The following TMEM71 variants were observed in gnomAD, a reference collection of about 807,000 sequenced individuals.
TMEM71 encodes the protein transmembrane protein 71.
TMEM71 carries 44 observed loss-of-function variants against 38.0 expected under a neutral mutation model. The observed-to-expected ratio is 1.16, with a 90% CI of 0.91 to 1.49. The LOEUF (loss-of-function observed/expected upper bound fraction) is 1.49. TMEM71 is among the 40% of genes most tolerant of loss of function. The probability of loss-of-function intolerance (pLI) is 0.00; values close to 1 mark genes in which losing one functional copy is unlikely to be tolerated. For synonymous variants in TMEM71, 133 were observed against 122.5 expected, an observed-to-expected ratio of 1.09 and a Z score of -0.56; for missense variants, 367 against 348.6, an observed-to-expected ratio of 1.05 and a Z score of -0.42.
In TMEM71 at chr8:132,757,256, A is replaced by G. The variant is rs762378372; in HGVS notation, c.79T>C (p.Ser27Pro). Residue 27 changes from serine to proline, a missense_variant, in exon 3 of 10, where the codon TCT (serine) becomes CCT (proline). Physicochemically the swap from Ser to Pro is moderately conservative, Grantham distance 74 (BLOSUM62 -1). Transcript: ENST00000677595. Reference protein sequence around the residue: ...RLEREYAGELSPTCIFPSFTC... With the variant: ...RLEREYAGELPPTCIFPSFTC... ...TACCTTGGGAAAATGCACGTGGGAG[A>G]CAGCTCTCCAGCATATTCTCTTTCC... The G allele has an allele frequency of 1.2e-6, 2 of 1,611,348 alleles. No homozygotes were observed. Among genetic ancestry groups the G allele is most frequent in the South Asian group, 1.1e-5 (1 of 91,046 alleles).
chr8:132,738,927 G>A (rs887368133), intron 5 of TMEM71, among the ~76,000 whole-genome samples: 7 of 151,912 alleles, frequency 4.6e-5, no homozygotes, highest in African/African-American at 1.2e-4. Flanking sequence ...TTGTGCCAAC[G>A]TCCATTTCCT....
chr8:132,742,243 A>T (rs910535012), intron 5 of TMEM71, among the ~76,000 whole-genome samples: 6 of 152,228 alleles, frequency 3.9e-5, no homozygotes, highest in Non-Finnish European at 7.3e-5. Context: ...TTTTTGTTTT[A>T]TATTTTATTA....
intron 5 of TMEM71, among the ~76,000 whole-genome samples, chr8:132,746,665 A>T (rs1039693792): frequency 5.3e-5 from 8 of 151,894 alleles, no homozygotes; most frequent in Non-Finnish European, 1.0e-4. Flanking sequence ...AATATCCCTT[A>T]CAGAAAAAAT....
intron 5 of TMEM71, among the ~76,000 whole-genome samples, chr8:132,732,023 C>A (rs951110979): frequency 2.0e-5 from 3 of 152,160 alleles, no homozygotes; most frequent in East Asian, 1.9e-4. Flanking sequence ...ACGGGCCAGG[C>A]AGATCTATTT....
upstream of TMEM71, among the ~76,000 whole-genome samples, chr8:132,761,808 A>G (rs1231219981): frequency 2.0e-5 from 3 of 152,208 alleles, no homozygotes; most frequent in African/African-American, 7.2e-5. Flanking sequence ...GCAAGCTGCC[A>G]TGGTGGAGAA....
chr8:132,710,783 T>C lies in TMEM71; in HGVS notation c.*184A>G, dbSNP rs1826193018. 3 of 634,212 alleles carry C rather than the reference T, an allele frequency of 4.7e-6. No individual in the cohort carries two copies. The highest frequency in any genetic ancestry group is 1.9e-5 in the South Asian group (1 of 52,762). The allele number at this position is 634,212 out of a possible 1,614,324, so 39.3% of individuals were successfully genotyped here. A position where few individuals can be genotyped will look rare whatever the true frequency, so the allele number is the denominator to read the frequency against. ...CAAATTAATATTATTTTCATGAGCA[T>C]ATTATAATTTTGATGGAAAAACTGA... On this transcript the variant is annotated 3_prime_UTR_variant, in exon 10 of 10. Coordinates refer to ENST00000677595, the MANE Select transcript of TMEM71 (RefSeq NM_001382403.1).
At chr8:132,752,738 C>G (rs976778870) in intron 3 of TMEM71, among the ~76,000 whole-genome samples, 3 of 147,692 alleles carry the variant, frequency 2.0e-5, no homozygotes, top group Admixed American at 1.4e-4. Flanking sequence ...AGCAAAGACC[C>G]TGTATCTAAA....
intron 6 of TMEM71, among the ~76,000 whole-genome samples, chr8:132,725,346 G>A (rs1827083959): frequency 6.6e-6 from 1 of 152,084 alleles, no homozygotes; most frequent in Non-Finnish European, 1.5e-5. Flanking sequence ...TGTATTTTTT[G>A]TAGAGACAAG....
At chr8:132,740,147 T>G (rs532093366) in intron 5 of TMEM71, among the ~76,000 whole-genome samples, 1 of 152,318 alleles carries the variant, frequency 6.6e-6, no homozygotes, top group Non-Finnish European at 1.5e-5. Context: ...CCCCTTGTTC[T>G]TTCCCACTTG....
upstream of TMEM71, among the ~76,000 whole-genome samples, chr8:132,764,204 G>C (rs1829336115): frequency 6.6e-6 from 1 of 152,080 alleles, no homozygotes; most frequent in Non-Finnish European, 1.5e-5. Flanking sequence ...TAGGGCTCCA[G>C]CTACATCAAA....
intron 7 of TMEM71, 59 bp from the exon 8 acceptor site, chr8:132,714,274 A>AT (rs878998666): frequency 3.2e-6 from 4 of 1,262,024 alleles, no homozygotes; most frequent in Non-Finnish European, 3.5e-6. Context: ...AACCTGTGTG[A>AT]TTTTTTTAGA....
At position 132,741,135 on chromosome 8, in the gene TMEM71, C is replaced by T. The variant is rs568731373; in HGVS notation, c.487+5807G>A. Reference sequence around the variant, plus strand: ...ATCCCAGCACTTTGGGAGGCTGAGGCGGGTGGATCACGAGGTCAGGAGATC... The same window carrying T: ...ATCCCAGCACTTTGGGAGGCTGAGGTGGGTGGATCACGAGGTCAGGAGATC... On this transcript the variant is annotated intron_variant, in intron 5 of 9. Transcript: ENST00000677595. 2.3e-4 allele frequency among the ~76,000 whole-genome samples: 35 copies of T among 152,168 alleles called. 1 individual carries two copies. The highest frequency in any genetic ancestry group is 2.1e-4 in the Non-Finnish European group (14 of 67,998).
At chr8:132,729,496 G>A (rs1270129785) in intron 5 of TMEM71, among the ~76,000 whole-genome samples, 1 of 152,188 alleles carries the variant, frequency 6.6e-6, no homozygotes, top group African/African-American at 2.4e-5. Context: ...CACTCAGAAA[G>A]AGTAGCCAGA....
intron 5 of TMEM71, 37 bp downstream of exon 5, chr8:132,746,905 A>G (rs377235680): frequency 1.0e-4 from 151 of 1,517,514 alleles, no homozygotes; most frequent in Non-Finnish European, 1.3e-4. Flanking sequence ...CCACTTGGAG[A>G]TAAAATTTTA....
At chr8:132,775,710 C>G in the TMEM71 span, 8 of 315,402 alleles carry the variant, frequency 2.5e-5, no homozygotes, top group Non-Finnish European at 4.0e-5. Context: ...CGGGACGCCC[C>G]CATTCTGGTG....
chr8:132,746,489 A>G (rs1448499251), intron 5 of TMEM71, among the ~76,000 whole-genome samples: 1 of 74,030 alleles, frequency 1.4e-5, no homozygotes, highest in African/African-American at 9.0e-5. Context: ...ATATATATAC[A>G]TATATATACA....
At chr8:132,770,698 T>C in the TMEM71 span, among the ~76,000 whole-genome samples, 3 of 152,130 alleles carry the variant, frequency 2.0e-5, no homozygotes, top group Non-Finnish European at 2.9e-5. Context: ...ACTGAAAAAT[T>C]CCCTTTTTGC....
chr8:132,747,037 T>C lies in TMEM71; in HGVS notation c.392A>G (p.His131Arg). The C allele has an allele frequency of 1.2e-6, 2 of 1,613,820 alleles. No individual in the cohort carries two copies. Among genetic ancestry groups the C allele is most frequent in the Non-Finnish European group, 1.7e-6 (2 of 1,179,890 alleles). Reference protein sequence around the residue: ...FNLSTSKSWLHGSIFGDINSS... With the variant: ...FNLSTSKSWLRGSIFGDINSS... Reference sequence around the variant, plus strand: ...GTTGATGTCACCAAAGATACTTCCATGCAGCCAAGATTTGGAGGTACTGAG... The same window carrying C: ...GTTGATGTCACCAAAGATACTTCCACGCAGCCAAGATTTGGAGGTACTGAG... The change falls in exon 5 of 10, where the codon CAT (histidine) becomes CGT (arginine). Residue 131 changes from histidine to arginine, a missense_variant. His to Arg is a conservative substitution (Grantham distance 29, BLOSUM62 0). Transcript: ENST00000677595.
chr8:132,727,738 T>C, intron 6 of TMEM71, 60 bp downstream of exon 6: 2 of 1,449,572 alleles, frequency 1.4e-6, no homozygotes, highest in Non-Finnish European at 1.9e-6. Flanking sequence ...CAAGTCATTC[T>C]CAGGCTCTGA....
Sources: allele counts gnomAD v4.1 joint callset (sites outside exome capture counted in the v4.1 genomes callset), GRCh38; gene constraint gnomAD v4.1.1; transcripts MANE v1.5; gene names NCBI Gene and HGNC (gene_info 2026-07-23, HGNC 2026-07-21).